SCAI: variants seen among roughly 807,000 people sequenced by gnomAD.
The protein encoded by SCAI is suppressor of cancer cell invasion.
SCAI carries 24 observed loss-of-function variants against 92.2 expected under a neutral mutation model. The observed-to-expected ratio is 0.26, with a 90% CI of 0.19 to 0.37. SCAI has a LOEUF of 0.37. Among genes scored for constraint, SCAI ranks in the 10% least tolerant of loss-of-function variants. The probability of loss-of-function intolerance (pLI) is 1.00; values close to 1 mark genes in which losing one functional copy is unlikely to be tolerated. For synonymous variants in SCAI, 261 were observed against 258.6 expected, an observed-to-expected ratio of 1.01 and a Z score of -0.09; for missense variants, 450 against 736.2, an observed-to-expected ratio of 0.61 and a Z score of 4.50.
chr9:125,102,359 G>A (rs1280563913), intron 2 of SCAI, among the ~76,000 whole-genome samples: 8 of 152,102 alleles, frequency 5.3e-5, no homozygotes. Context: ...ATCGGTAAGA[G>A]GCCATTAGAC....
intron 2 of SCAI, among the ~76,000 whole-genome samples, chr9:125,083,186 G>C (rs1241048488): frequency 6.6e-6 from 1 of 152,116 alleles, no homozygotes; most frequent in Non-Finnish European, 1.5e-5. Flanking sequence ...GAGTTCCCCT[G>C]CACAAGCTCA....
chr9:124,964,316 T>C (rs1452089889), intron 17 of SCAI, among the ~76,000 whole-genome samples: 2 of 152,202 alleles, frequency 1.3e-5, no homozygotes, highest in Non-Finnish European at 2.9e-5. Flanking sequence ...TTCTCCAAGA[T>C]CTGTATCTCG....
intron 2 of SCAI, among the ~76,000 whole-genome samples, chr9:125,118,506 C>A (rs1337114395): frequency 9.3e-6 from 1 of 107,910 alleles, no homozygotes; most frequent in Non-Finnish European, 2.0e-5. Context: ...GACAGAGACC[C>A]TGTCTCAATA....
chr9:125,019,720 C>T (rs923492329), intron 7 of SCAI, among the ~76,000 whole-genome samples: 8 of 151,884 alleles, frequency 5.3e-5, no homozygotes, highest in African/African-American at 1.7e-4. Flanking sequence ...TTAATGGTAA[C>T]TGGGTATAAA....
In SCAI at chr9:125,029,637, C is replaced by A. The variant is rs1432150723; in HGVS notation, c.326+7G>T. ...TTCACTCTCCTTTAACTATAAAATT[C>A]ATTTACCGATGCTGCTGCTGGAACT... is the stretch of plus-strand genomic sequence containing the variant. On this transcript the variant is annotated splice_region_variant and intron_variant, in intron 4 of 17. Transcript: ENST00000336505. The A allele has an allele frequency of 2.5e-6, 4 of 1,594,032 alleles. No homozygotes were observed. The highest frequency in any genetic ancestry group is 2.7e-5 in the African/African-American group (2 of 74,470).
intron 11 of SCAI, among the ~76,000 whole-genome samples, chr9:125,002,488 G>GTTTTTTTTTTTGTT (rs1554779238): frequency 4.8e-5 from 6 of 125,106 alleles, no homozygotes; most frequent in African/African-American, 1.6e-4. Context: ...TTTTTAGTCT[G>GTTTTTTTTTTTGTT]TTTTTTTTTT....
At chr9:124,965,234 T>G (rs181964182) in intron 17 of SCAI, among the ~76,000 whole-genome samples, 373 of 152,278 alleles carry the variant, frequency 2.4e-3, no homozygotes, top group African/African-American at 7.8e-3. Context: ...TGTCTTTTTT[T>G]TGTGTGTATG....
intron 17 of SCAI, among the ~76,000 whole-genome samples, chr9:124,955,677 A>T (rs1192136449): frequency 6.6e-6 from 1 of 151,910 alleles, no homozygotes; most frequent in African/African-American, 2.4e-5. Context: ...AAAGAAACAA[A>T]CGGTAGTGAA....
chr9:124,944,466 AT>A lies in SCAI; in HGVS notation c.*8340del, dbSNP rs71374207. 75 of 84,724 alleles carry A rather than the reference AT, an allele frequency of 8.9e-4. No individual in the cohort carries two copies. Among genetic ancestry groups the A allele is most frequent in the East Asian group, 1.8e-3 (5 of 2,764 alleles). The allele number at this position is 84,724 out of a possible 1,614,324, so 5.2% of individuals were successfully genotyped here. ...AGGCGCACACCACCATGCCTGGCTA[AT>A]TTTTTTTTTTTTTTTTTTTTTTTTG... On this transcript the variant is annotated 3_prime_UTR_variant, in exon 18 of 18. Transcript: ENST00000336505.
In SCAI at chr9:124,971,842, G is replaced by C; in HGVS notation, c.1402C>G (p.Gln468Glu). ...PTAYPKALQD[Q>E]SQRGSLFTLF... ...GTGAAGAGGCTACCTCGCTGAGATT[G>C]ATCTGTAATAACAAACATGTTATAT... is the stretch of plus-strand genomic sequence containing the variant. The change falls in exon 16 of 18, where the codon CAA becomes GAA. Residue 468 changes from glutamine to glutamate, a missense_variant and splice_region_variant. This residue lies in a region of SCAI where 360 missense variants were observed against 601.8 expected (regional missense o/e 0.60). Coordinates refer to ENST00000336505, the MANE Select transcript of SCAI (RefSeq NM_001144877.3). 6.3e-7 allele frequency: 1 copy of C among 1,581,264 alleles called. No homozygotes were observed. Among genetic ancestry groups the C allele is most frequent in the Non-Finnish European group, 8.6e-7 (1 of 1,168,810 alleles).
At chr9:125,070,911 T>C (rs1236400770) in intron 2 of SCAI, among the ~76,000 whole-genome samples, 3 of 152,058 alleles carry the variant, frequency 2.0e-5, no homozygotes, top group South Asian at 4.1e-4. Flanking sequence ...ATAATTCCCA[T>C]GTGTTGTGGG....
chr9:125,111,672 C>T (rs1043869316), intron 2 of SCAI, among the ~76,000 whole-genome samples: 1 of 151,976 alleles, frequency 6.6e-6, no homozygotes, highest in Non-Finnish European at 1.5e-5. Flanking sequence ...GATTGTACAT[C>T]CCTGGACTAA....
intron 2 of SCAI, among the ~76,000 whole-genome samples, chr9:125,081,748 A>G (rs930159595): frequency 6.6e-6 from 1 of 151,730 alleles, no homozygotes; most frequent in Admixed American, 6.6e-5. Flanking sequence ...AATTTTTTAT[A>G]TTTTTTATTA....
At chr9:125,096,213 A>G (rs539526125) in intron 2 of SCAI, among the ~76,000 whole-genome samples, 1 of 152,340 alleles carries the variant, frequency 6.6e-6, no homozygotes, top group Admixed American at 6.5e-5. Flanking sequence ...CATGTCTTAC[A>G]TGGATGGCAG....
At chr9:124,956,860 A>G (rs1372179747) in intron 17 of SCAI, among the ~76,000 whole-genome samples, 2 of 152,230 alleles carry the variant, frequency 1.3e-5, no homozygotes, top group Admixed American at 6.5e-5. Context: ...TTGGAAAAAA[A>G]GAAGTAAAGC....
chr9:125,143,191 A>C (rs1588262852), intron 1 of SCAI, among the ~76,000 whole-genome samples, 194 bp downstream of exon 1: 1 of 116,010 alleles, frequency 8.6e-6, no homozygotes, highest in African/African-American at 3.4e-5. Context: ...CGCCCCTCTC[A>C]CCTGGCCTCG....
chr9:124,966,264 T>A (rs1377857856), intron 17 of SCAI, among the ~76,000 whole-genome samples: 1 of 144,696 alleles, frequency 6.9e-6, no homozygotes, highest in African/African-American at 2.6e-5. Context: ...TGTGTGATGT[T>A]CCCCTTCCTG....
chr9:125,074,159 T>C lies in SCAI; in HGVS notation c.99-18152A>G, dbSNP rs186854622. Among the ~76,000 whole-genome samples, 179 of 148,796 alleles carry C rather than the reference T, an allele frequency of 1.2e-3. 2 individuals carry two copies. In the East Asian group the frequency reaches 0.031, roughly 26 times the overall value. ...CTGTAGTCCCAGCTACTCAGGAGGC[T>C]GAGGCAGGAAAATTGCTTGAACCCG... On this transcript the variant is annotated intron_variant, in intron 2 of 17. Transcript: ENST00000336505.
At chr9:124,973,370 A>T (rs551959085) in intron 15 of SCAI, among the ~76,000 whole-genome samples, 27 of 152,064 alleles carry the variant, frequency 1.8e-4, no homozygotes, top group Non-Finnish European at 3.8e-4. Context: ...ACAATCTCAA[A>T]CTCTACCCTT....
Sources: gnomAD v4.1 joint callset for allele counts (sites outside exome capture counted in the v4.1 genomes callset) on GRCh38, gnomAD v4.1.1 for gene constraint, gnomAD v4.1.1 regional missense constraint, MANE v1.5 for transcripts, NCBI Gene and HGNC (gene_info 2026-07-23, HGNC 2026-07-21) for gene names.